Variants in SIPA1L1 observed in about 807,000 individuals in gnomAD.
The protein encoded by SIPA1L1 is signal induced proliferation associated 1 like 1.
Under a neutral mutation model 162.7 loss-of-function variants are expected in SIPA1L1, and 26 were observed. That is an observed-to-expected ratio of 0.16 (90% confidence interval 0.12 to 0.22). The LOEUF (loss-of-function observed/expected upper bound fraction) is 0.22, where lower values mean the gene tolerates loss of function less well. SIPA1L1 is among the 10% of genes least tolerant of loss of function. SIPA1L1 has a pLI of 1.00. For missense variants in SIPA1L1, 1,874 were observed against 2,241.0 expected (o/e 0.84, Z 3.31); for synonymous variants, 829 against 837.4 (o/e 0.99, Z 0.17).
At chr14:71,386,777 A>G (rs2040354544) in intron 2 of SIPA1L1, among the ~76,000 whole-genome samples, 3 of 152,222 alleles carry the variant, frequency 2.0e-5, no homozygotes, top group Non-Finnish European at 2.9e-5. Context: ...TCTCATTAAT[A>G]CATACCTTCA....
intron 2 of SIPA1L1, among the ~76,000 whole-genome samples, chr14:71,485,941 AC>A (rs1489675373): frequency 1.3e-5 from 2 of 151,826 alleles, no homozygotes; most frequent in African/African-American, 2.4e-5. Flanking sequence ...TTGCCTATAC[AC>A]CCTCTCTCCA....
chr14:71,378,187 G>A (rs1006529770), intron 2 of SIPA1L1, among the ~76,000 whole-genome samples: 6 of 151,786 alleles, frequency 4.0e-5, no homozygotes, highest in Non-Finnish European at 8.8e-5. Context: ...TTTTGGCTGT[G>A]TTAATTTTTT....
At chr14:71,515,816 T>C (rs2051666170) in intron 3 of SIPA1L1, among the ~76,000 whole-genome samples, 2 of 152,020 alleles carry the variant, frequency 1.3e-5, no homozygotes, top group African/African-American at 4.8e-5. Context: ...TTTTTTGTTG[T>C]TGTTTAGTAG....
At chr14:71,618,999 A>T (rs1429446518) in intron 6 of SIPA1L1, 112 bp downstream of exon 6, 13 of 1,098,394 alleles carry the variant, frequency 1.2e-5, no homozygotes, top group Admixed American at 2.3e-5. Flanking sequence ...CTGTCTTTGG[A>T]GTAAGCAAAG....
chr14:71,679,907 A>T (rs1309818300), intron 12 of SIPA1L1, among the ~76,000 whole-genome samples: 3 of 152,230 alleles, frequency 2.0e-5, no homozygotes, highest in Non-Finnish European at 4.4e-5. Flanking sequence ...TATGCACCCA[A>T]TACAGGAGCA....
intron 2 of SIPA1L1, among the ~76,000 whole-genome samples, chr14:71,413,529 G>C (rs2140348005): frequency 6.6e-6 from 1 of 152,318 alleles, no homozygotes; most frequent in East Asian, 1.9e-4. Context: ...CCTGAGGTGA[G>C]GAGTTCAAGA....
At chr14:71,589,489 G>C (rs2034992934) in intron 5 of SIPA1L1, 119 bp downstream of exon 5, 3 of 618,898 alleles carry the variant, frequency 4.8e-6, no homozygotes, top group South Asian at 5.7e-5. Flanking sequence ...TATCTTTCTT[G>C]ATGGTAAAAT....
intron 12 of SIPA1L1, among the ~76,000 whole-genome samples, chr14:71,676,030 G>GTGAATCATT (rs1566626622): frequency 6.8e-6 from 1 of 147,610 alleles, no homozygotes; most frequent in Non-Finnish European, 1.5e-5. Context: ...GCCGAGGCTG[G>GTGAATCATT]TGAATCATTT....
At chr14:71,660,803 T>A (rs2043445091) in intron 9 of SIPA1L1, among the ~76,000 whole-genome samples, 1 of 152,232 alleles carries the variant, frequency 6.6e-6, no homozygotes, top group African/African-American at 2.4e-5. Context: ...ATTTACCTGC[T>A]TTTAATTGTT....
Position 71,724,844 on chromosome 14 carries a change from C to T in SIPA1L1, c.4614+9C>T, listed in dbSNP as rs1566741442. 6.2e-7 allele frequency: 1 copy of T among 1,612,824 alleles called. No individual in the cohort carries two copies. The highest frequency in any genetic ancestry group is 1.3e-5 in the African/African-American group (1 of 74,846). On this transcript the variant is annotated intron_variant, in intron 19 of 23. Transcript: ENST00000381232. ...CACAGAAGAGTTTTAAGGTACAAGA[C>T]AGAGCTCAGGGTAGATGGCAATTAG...
At chr14:71,441,896 G>T (rs1455535637) in intron 2 of SIPA1L1, among the ~76,000 whole-genome samples, 1 of 152,120 alleles carries the variant, frequency 6.6e-6, no homozygotes, top group African/African-American at 2.4e-5. Context: ...GTATGGCCAG[G>T]TGTGGTGGCT....
chr14:71,624,807 G>T (rs1044222125), intron 7 of SIPA1L1, among the ~76,000 whole-genome samples: 1 of 152,106 alleles, frequency 6.6e-6, no homozygotes, highest in African/African-American at 2.4e-5. Flanking sequence ...CCACTTCACC[G>T]CGCTGTTCTT....
chr14:71,640,509 T>A (rs2041602907), intron 7 of SIPA1L1, among the ~76,000 whole-genome samples: 1 of 152,218 alleles, frequency 6.6e-6, no homozygotes, highest in Admixed American at 6.5e-5. Flanking sequence ...AGGAGACAGA[T>A]CAGAGCTTTC....
chr14:71,668,525 A>G (rs2044231470), intron 10 of SIPA1L1, among the ~76,000 whole-genome samples: 1 of 152,218 alleles, frequency 6.6e-6, no homozygotes, highest in Admixed American at 6.5e-5. Context: ...GAGTGAGAAG[A>G]TATTTTTATA....
chr14:71,640,962 A>G (rs1174250801), intron 7 of SIPA1L1, among the ~76,000 whole-genome samples: 1 of 152,226 alleles, frequency 6.6e-6, no homozygotes, highest in Non-Finnish European at 1.5e-5. Flanking sequence ...CCCTAAAGTT[A>G]GACTCATTTA....
At chr14:71,434,775 C>T (rs758605042) in intron 2 of SIPA1L1, among the ~76,000 whole-genome samples, 1 of 152,122 alleles carries the variant, frequency 6.6e-6, no homozygotes, top group Non-Finnish European at 1.5e-5. Context: ...GTCAGAGTCT[C>T]TCCCTATGTT....
At chr14:71,510,997 C>G (rs1463107542) in intron 2 of SIPA1L1, among the ~76,000 whole-genome samples, 1 of 152,138 alleles carries the variant, frequency 6.6e-6, no homozygotes, top group Non-Finnish European at 1.5e-5. Context: ...GTTTAGTATA[C>G]TTACCATTGA....
At chr14:71,672,227 G>A in intron 11 of SIPA1L1, 121 bp from the exon 12 acceptor site, 1 of 910,618 alleles carries the variant, frequency 1.1e-6, no homozygotes. Context: ...TAACCAGACT[G>A]CTCTTCAGCT....
intron 3 of SIPA1L1, among the ~76,000 whole-genome samples, chr14:71,527,117 T>C (rs1429525247): frequency 1.3e-5 from 2 of 152,226 alleles, no homozygotes; most frequent in Non-Finnish European, 2.9e-5. Context: ...CCTTTTTATA[T>C]GCTTGTTAGC....
Sources: gnomAD v4.1 joint callset for allele counts (sites outside exome capture counted in the v4.1 genomes callset) on GRCh38, gnomAD v4.1.1 for gene constraint, MANE v1.5 for transcripts, NCBI Gene and HGNC (gene_info 2026-07-23, HGNC 2026-07-21) for gene names.